The following WDR27 variants were observed in gnomAD, a reference collection of about 807,000 sequenced individuals.
WDR27 encodes the protein WD repeat domain 27.
WDR27 carries 100 observed loss-of-function variants against 114.4 expected under a neutral mutation model. That is an observed-to-expected ratio of 0.87 (90% CI 0.74 to 1.03). WDR27 has a LOEUF of 1.03. Among genes scored for constraint, WDR27 ranks in the 50% least tolerant of loss-of-function variants. WDR27 has a pLI of 0.00. For missense variants in WDR27, 1,129 were observed against 1,092.9 expected, an observed-to-expected ratio of 1.03 and a Z score of -0.47; for synonymous variants, 449 against 423.1, an observed-to-expected ratio of 1.06 and a Z score of -0.75.
chr6:169,602,122 A>G, intron 23 of WDR27, 97 bp downstream of exon 23: 1 of 813,640 alleles, frequency 1.2e-6, no homozygotes. Context: ...GTCAAGCTGA[A>G]AGTAGGTTTC....
chr6:169,489,094 C>T lies in WDR27; in HGVS notation c.2646-31460G>A, dbSNP rs373486399. On this transcript the variant is annotated intron_variant, in intron 25 of 25. Coordinates refer to ENST00000448612, the MANE Select transcript of WDR27 (RefSeq NM_182552.5). ...CATCTAGTTTGGTGCTTTTACTTCC[C>T]GACCCTGGTGCAGATGCAGAGATGT... 1.6e-4 allele frequency among the ~76,000 whole-genome samples: 25 copies of T among 152,036 alleles called. No homozygotes were observed. In the South Asian group the frequency reaches 2.7e-3, roughly 16 times the overall value.
chr6:169,488,190 G>A (rs939531111), intron 25 of WDR27, among the ~76,000 whole-genome samples: 1 of 152,250 alleles, frequency 6.6e-6, no homozygotes, highest in Non-Finnish European at 1.5e-5. Flanking sequence ...CTGGAAGCCT[G>A]CCTAATTGAA....
intron 25 of WDR27, among the ~76,000 whole-genome samples, chr6:169,555,584 C>T (rs543236431): frequency 6.6e-6 from 1 of 152,242 alleles, no homozygotes; most frequent in African/African-American, 2.4e-5. Flanking sequence ...GGCCATATGA[C>T]ACATGAGGTC....
intron 25 of WDR27, among the ~76,000 whole-genome samples, chr6:169,473,995 G>A (rs144029887): frequency 1.8e-4 from 28 of 152,336 alleles, no homozygotes; most frequent in Non-Finnish European, 3.7e-4. Flanking sequence ...AACTGTGTGT[G>A]GCGAATGGAA....
chr6:169,522,608 T>C (rs1403117280), intron 25 of WDR27, among the ~76,000 whole-genome samples: 1 of 152,044 alleles, frequency 6.6e-6, no homozygotes, highest in Non-Finnish European at 1.5e-5. Context: ...TTAGAAATCA[T>C]ATCAAGTATC....
At chr6:169,624,137 G>GGTGTGCGGCATCAA (rs1476734866) in intron 21 of WDR27, among the ~76,000 whole-genome samples, 1 of 151,594 alleles carries the variant, frequency 6.6e-6, no homozygotes, top group African/African-American at 2.4e-5. Flanking sequence ...TGTGGTGTCA[G>GGTGTGCGGCATCAA]GTGTGCCGTG....
At chr6:169,515,173 T>C (rs1257621574) in intron 25 of WDR27, among the ~76,000 whole-genome samples, 1 of 151,988 alleles carries the variant, frequency 6.6e-6, no homozygotes, top group African/African-American at 2.4e-5. Context: ...AAAATACACA[T>C]AGCTATGACC....
chr6:169,435,242 T>A, the WDR27 span, among the ~76,000 whole-genome samples: 1 of 152,216 alleles, frequency 6.6e-6, no homozygotes, highest in African/African-American at 2.4e-5. Flanking sequence ...AGAAGTTTGC[T>A]GCAGGGGTGG....
At chr6:169,642,478 GGGCTCCCAGGTGC>G (rs1414796785) in intron 17 of WDR27, among the ~76,000 whole-genome samples, 1 of 152,184 alleles carries the variant, frequency 6.6e-6, no homozygotes, top group Non-Finnish European at 1.5e-5. Context: ...GGCCGGCTCA[GGGCTCCCAGGTGC>G]ACTGTGAAGA....
intron 25 of WDR27, among the ~76,000 whole-genome samples, chr6:169,564,093 A>G (rs1800074567): frequency 6.6e-6 from 1 of 152,224 alleles, no homozygotes; most frequent in African/African-American, 2.4e-5. Context: ...GAAGCAAACA[A>G]TGTAGCCTTC....
chr6:169,434,079 C>A, the WDR27 span, among the ~76,000 whole-genome samples: 1 of 152,202 alleles, frequency 6.6e-6, no homozygotes, highest in South Asian at 2.1e-4. Flanking sequence ...TGTGCAGAAG[C>A]TCTTTAGTTT....
chr6:169,511,513 C>T (rs1236603074), intron 25 of WDR27, among the ~76,000 whole-genome samples: 1 of 123,582 alleles, frequency 8.1e-6, no homozygotes, highest in Non-Finnish European at 1.7e-5. Flanking sequence ...ATTTCATTCT[C>T]TTAATCATAG....
the WDR27 span, among the ~76,000 whole-genome samples, chr6:169,449,327 T>C: frequency 1.5e-4 from 23 of 152,318 alleles, no homozygotes; most frequent in South Asian, 2.1e-4. Flanking sequence ...AGGTAAATGA[T>C]AATATATGCA....
At chr6:169,448,376 C>G in the WDR27 span, among the ~76,000 whole-genome samples, 1 of 143,098 alleles carries the variant, frequency 7.0e-6, no homozygotes, top group Non-Finnish European at 1.5e-5. Flanking sequence ...CTCTCTCTCC[C>G]TCTGTCTCTG....
At chr6:169,598,928 G>A (rs959640328) in intron 23 of WDR27, among the ~76,000 whole-genome samples, 1 of 152,192 alleles carries the variant, frequency 6.6e-6, no homozygotes, top group Non-Finnish European at 1.5e-5. Context: ...ATTTGAGGCT[G>A]AAGCAAATTT....
At chr6:169,452,003 T>C in the WDR27 span, among the ~76,000 whole-genome samples, 9 of 152,250 alleles carry the variant, frequency 5.9e-5, no homozygotes, top group African/African-American at 1.9e-4. Context: ...AAGAGCAAAA[T>C]ATTTTTCTCC....
rs201806733 is a variant in WDR27 at position 169,659,458 on chromosome 6, T to C, written c.1190A>G (p.Asp397Gly). ...GSCALRNRTA[D>G]QKVLCLLASL... ...CCGCGTCTCAGGACTGACCTTTTGA[T>C]CCGCAGTGCGGTTCCTCAGGGCACA... Residue 397 changes from aspartate to glycine, a missense_variant, in exon 11 of 26, where the codon GAT (aspartate) becomes GGT (glycine). Physicochemically the swap from Asp to Gly is moderately conservative, Grantham distance 94. Coordinates refer to ENST00000448612, the MANE Select transcript of WDR27 (RefSeq NM_182552.5). The surrounding 1 kb of genome is among the most constrained non-coding windows in gnomAD (Gnocchi z 4.3). The C allele has an allele frequency of 3.0e-5, 48 of 1,608,750 alleles. 1 individual carries two copies. The East Asian group carries it at 9.9e-4, about 33-fold the overall frequency.
intron 25 of WDR27, among the ~76,000 whole-genome samples, chr6:169,541,903 T>G (rs958426173): frequency 3.2e-4 from 48 of 152,296 alleles, no homozygotes; most frequent in African/African-American, 1.1e-3. Flanking sequence ...CTAGGTGTTC[T>G]CCTCCTCTAG....
At chr6:169,619,495 C>A (rs1178417422) in intron 21 of WDR27, among the ~76,000 whole-genome samples, 1 of 152,166 alleles carries the variant, frequency 6.6e-6, no homozygotes, top group East Asian at 1.9e-4. Flanking sequence ...CCAAAGTGGT[C>A]AGGTGCAGCT....
Sources: gnomAD v4.1 joint callset for allele counts (sites outside exome capture counted in the v4.1 genomes callset) on GRCh38, gnomAD v4.1.1 for gene constraint, Gnocchi (gnomAD v3.1) non-coding constraint, MANE v1.5 for transcripts, NCBI Gene and HGNC (gene_info 2026-07-23, HGNC 2026-07-21) for gene names.